The following PSIP1 variants were observed in gnomAD, a reference collection of about 807,000 sequenced individuals.
PSIP1 encodes PC4 and SFRS1-interacting protein.
Under a neutral mutation model 74.7 loss-of-function variants are expected in PSIP1, and 19 were observed. The observed-to-expected ratio is 0.25, with a 90% CI of 0.18 to 0.37. PSIP1 has a LOEUF of 0.37. Among genes scored for constraint, PSIP1 ranks in the 10% least tolerant of loss-of-function variants. The pLI, the probability that PSIP1 is intolerant of heterozygous loss-of-function variation, is 1.00. For synonymous variants in PSIP1, 222 were observed against 195.3 expected (o/e 1.14, Z -1.14); for missense variants, 601 against 614.3 (o/e 0.98, Z 0.23).
chr9:15,480,232 T>C (rs115876459), intron 6 of PSIP1, among the ~76,000 whole-genome samples: 29 of 152,266 alleles, frequency 1.9e-4, no homozygotes, highest in African/African-American at 6.7e-4. Context: ...AGCATTAGAA[T>C]GGAACAAAGG....
intron 7 of PSIP1, 54 bp from the exon 8 acceptor site, chr9:15,478,606 A>T: frequency 8.6e-7 from 1 of 1,162,236 alleles, no homozygotes; most frequent in Non-Finnish European, 1.3e-6. Context: ...TTTAAGATAC[A>T]AATCTCAGAT....
chr9:15,475,658 T>C (rs955534973), intron 8 of PSIP1, among the ~76,000 whole-genome samples: 1 of 152,184 alleles, frequency 6.6e-6, no homozygotes, highest in African/African-American at 2.4e-5. Context: ...AAAGTGACTT[T>C]AGGGATTTAT....
chr9:15,483,262 C>A lies in PSIP1; in HGVS notation c.456+2744G>T, dbSNP rs113615412. ...GTGCTTCACCTTCCCCTTACTCATG[C>A]CTATGATTCCAAACCAACATCCTCT... On this transcript the variant is annotated intron_variant, in intron 6 of 15. Transcript: ENST00000380733. Among the ~76,000 whole-genome samples, 541 of 152,270 alleles carry A rather than the reference C, an allele frequency of 3.6e-3. 1 individual carries two copies. The highest frequency in any genetic ancestry group is 6.4e-3 in the Non-Finnish European group (432 of 68,030).
chr9:15,494,494 G>A (rs1462924945), intron 3 of PSIP1, among the ~76,000 whole-genome samples: 1 of 147,992 alleles, frequency 6.8e-6, no homozygotes, highest in East Asian at 2.0e-4. Flanking sequence ...GAACCCGGGA[G>A]GCGGAGGTTG....
intron 8 of PSIP1, among the ~76,000 whole-genome samples, chr9:15,475,944 T>A (rs186695748): frequency 2.6e-5 from 4 of 152,316 alleles, no homozygotes; most frequent in Admixed American, 2.6e-4. Flanking sequence ...CAGTGGGCTT[T>A]AACAAACATT....
At chr9:15,507,021 G>T (rs1410432962) in intron 2 of PSIP1, among the ~76,000 whole-genome samples, 1 of 152,156 alleles carries the variant, frequency 6.6e-6, no homozygotes, top group Admixed American at 6.5e-5. Flanking sequence ...ATCATTTCAG[G>T]TAAGGAGTCT....
At position 15,487,183 on chromosome 9, in the gene PSIP1, C is replaced by T. The variant is rs192204161; in HGVS notation, c.289-252G>A. ...CCACTGTACCCCAGCCTGGGCAACGCAGTCTCAAATAATAAAAATTAAAAA... is the reference window on the plus strand; with the variant it reads ...CCACTGTACCCCAGCCTGGGCAACGTAGTCTCAAATAATAAAAATTAAAAA... On this transcript the variant is annotated intron_variant, in intron 4 of 15. Transcript: ENST00000380733. Among the ~76,000 whole-genome samples, 598 of 150,882 alleles carry T rather than the reference C, an allele frequency of 4.0e-3. 4 individuals are homozygous for T. Among genetic ancestry groups the T allele is most frequent in the Admixed American group, 8.5e-3 (129 of 15,188 alleles).
At chr9:15,471,308 A>C in intron 10 of PSIP1, 1 of 1,568,898 alleles carries the variant, frequency 6.4e-7, no homozygotes, top group Non-Finnish European at 8.8e-7. Context: ...TTTACAGAGC[A>C]AAACTGTCCA....
chr9:15,493,220 C>T (rs1220869376), intron 3 of PSIP1, among the ~76,000 whole-genome samples: 3 of 152,194 alleles, frequency 2.0e-5, no homozygotes, highest in Non-Finnish European at 2.9e-5. Context: ...CTCTCAAGTT[C>T]AGAGTTCCAC....
chr9:15,490,125 C>A lies in PSIP1; in HGVS notation c.150-1G>T. On this transcript the variant is annotated splice_acceptor_variant, in intron 3 of 15. Transcript: ENST00000380733. LOFTEE classifies it high-confidence loss of function. ...TATATCCTTTGGTCCTAAAAAAGCA[C>A]TAAAAAAGAAGTGGGGAAGATGTGA... The A allele has an allele frequency of 6.4e-7, 1 of 1,572,904 alleles. No homozygotes were observed. The highest frequency in any genetic ancestry group is 1.2e-5 in the South Asian group (1 of 83,340).
chr9:15,470,067 G>T, intron 10 of PSIP1, 74 bp from the exon 11 acceptor site: 1 of 1,224,898 alleles, frequency 8.2e-7, no homozygotes, highest in Non-Finnish European at 1.2e-6. Context: ...CTATGTAAAA[G>T]CTAAAAATGT....
chr9:15,497,356 C>T (rs913299404), intron 3 of PSIP1, among the ~76,000 whole-genome samples: 5 of 107,804 alleles, frequency 4.6e-5, no homozygotes, highest in Non-Finnish European at 8.7e-5. Context: ...CAGAGTCTTG[C>T]TCTGTCACTC....
rs909925564 is a variant in PSIP1, at chr9:15,492,320, A to G, written c.150-2196T>C. 3.3e-5 allele frequency: 5 copies of G among 152,280 alleles called. 1 individual carries two copies. Among genetic ancestry groups the G allele is most frequent in the East Asian group, 3.8e-4 (2 of 5,198 alleles). 9.4% of individuals were successfully genotyped at this position (152,280 alleles called of 1,614,324 possible). A position where few individuals can be genotyped will look rare whatever the true frequency, so the allele number is the denominator to read the frequency against. On this transcript the variant is annotated intron_variant, in intron 3 of 15. Transcript: ENST00000380733. ...CCATCCCAAATGGGAGAAACTGACT[A>G]AAACAAAGGGGCTACAGGCCCCATG...
chr9:15,504,139 G>C (rs966104814), intron 3 of PSIP1, among the ~76,000 whole-genome samples: 30 of 152,140 alleles, frequency 2.0e-4, no homozygotes, highest in African/African-American at 7.2e-4. Context: ...ATAATCATAA[G>C]AACACTAAGG....
Position 15,469,442 on chromosome 9 carries a change from T to A in PSIP1, c.1034-106A>T, listed in dbSNP as rs941678027. The A allele has an allele frequency of 7.7e-6, 5 of 645,890 alleles. No individual in the cohort carries two copies. The East Asian group carries it at 1.4e-4, about 18-fold the overall frequency. 40.0% of individuals were successfully genotyped at this position (645,890 alleles called of 1,614,324 possible). ...TAGTGGACTTAAAAAAAAAATGTTC[T>A]TAGTAATCTTTACTAAGAAGCTCAA... is the stretch of plus-strand genomic sequence containing the variant. On this transcript the variant is annotated intron_variant, in intron 11 of 15. Coordinates refer to ENST00000380733, the MANE Select transcript of PSIP1 (RefSeq NM_033222.5).
intron 15 of PSIP1, 113 bp from the exon 16 acceptor site, chr9:15,465,693 C>G: frequency 3.6e-6 from 3 of 822,844 alleles, no homozygotes; most frequent in African/African-American, 1.8e-5. Flanking sequence ...TGAAACCAAC[C>G]AAACAAAAGA....
Position 15,464,249 on chromosome 9 carries a change from A to G in PSIP1, c.*1271T>C, listed in dbSNP as rs1161307336. 4 of 192,978 alleles carry G rather than the reference A, an allele frequency of 2.1e-5. No individual in the cohort carries two copies. Among genetic ancestry groups the G allele is most frequent in the Non-Finnish European group, 4.3e-5 (4 of 92,416 alleles). The allele number at this position is 192,978 out of a possible 1,614,324, so 12.0% of individuals were successfully genotyped here. A position where few individuals can be genotyped will look rare whatever the true frequency, so the allele number is the denominator to read the frequency against. On this transcript the variant is annotated 3_prime_UTR_variant, in exon 16 of 16. Coordinates refer to ENST00000380733, the MANE Select transcript of PSIP1 (RefSeq NM_033222.5). ...AGACCTCTTTAAAAGCAAAAATGCA[A>G]TTCTGTAGATGAAAACAGTTATCTC... is the stretch of plus-strand genomic sequence containing the variant.
intron 6 of PSIP1, among the ~76,000 whole-genome samples, chr9:15,484,857 G>C (rs1025287072): frequency 2.7e-5 from 4 of 148,678 alleles, no homozygotes. Context: ...AGGTTGCAGT[G>C]AGCCAAGATC....
At chr9:15,473,386 T>G (rs1401883357) in intron 9 of PSIP1, among the ~76,000 whole-genome samples, 1 of 152,200 alleles carries the variant, frequency 6.6e-6, no homozygotes. Context: ...TCATCTACCT[T>G]TTCTAGACAG....
Sources: gnomAD v4.1 joint callset for allele counts (sites outside exome capture counted in the v4.1 genomes callset) on GRCh38, gnomAD v4.1.1 for gene constraint, MANE v1.5 for transcripts, NCBI Gene and HGNC (gene_info 2026-07-23, HGNC 2026-07-21) for gene names.